DENND1B: variants seen among roughly 807,000 people sequenced by gnomAD.
DENND1B encodes DENN domain containing 1B, also known as DENN domain-containing protein 1B.
Under a neutral mutation model 90.1 loss-of-function variants are expected in DENND1B, and 59 were observed. The observed-to-expected ratio is 0.65, with a 90% confidence interval of 0.53 to 0.81. The LOEUF (loss-of-function observed/expected upper bound fraction) is 0.81, where lower values mean the gene tolerates loss of function less well. DENND1B is among the 40% of genes least tolerant of loss of function. The pLI is 0.00. For missense variants in DENND1B, 862 were observed against 912.6 expected (o/e 0.94, Z 0.71); for synonymous variants, 337 against 324.6 (o/e 1.04, Z -0.41).
At chr1:197,699,357 A>G (rs1269499379) in intron 3 of DENND1B, among the ~76,000 whole-genome samples, 1 of 152,220 alleles carries the variant, frequency 6.6e-6, no homozygotes, top group Non-Finnish European at 1.5e-5. Flanking sequence ...ATAAAATTTG[A>G]CATCCCTTCA....
chr1:197,665,508 T>A (rs926729809), intron 5 of DENND1B, among the ~76,000 whole-genome samples: 1 of 152,164 alleles, frequency 6.6e-6, no homozygotes, highest in Non-Finnish European at 1.5e-5. Context: ...CACTAAATGA[T>A]GTTGCTGTTA....
chr1:197,760,520 A>G (rs191594427), intron 2 of DENND1B, among the ~76,000 whole-genome samples: 144 of 152,026 alleles, frequency 9.5e-4, no homozygotes, highest in African/African-American at 3.5e-3. Flanking sequence ...GTGTACCTGT[A>G]ATCCCAGCTA....
chr1:197,749,727 T>C (rs1653193716), intron 2 of DENND1B, among the ~76,000 whole-genome samples: 1 of 152,028 alleles, frequency 6.6e-6, no homozygotes, highest in Admixed American at 6.6e-5. Flanking sequence ...AAGATTTTTT[T>C]TTTCATTTCT....
Position 197,761,548 on chromosome 1 carries a change from ATAAT to A in DENND1B, c.82+11316_82+11319del, listed in dbSNP as rs1655056738. Among the ~76,000 whole-genome samples the A allele has an allele frequency of 3.9e-5, 6 of 152,298 alleles. No homozygotes were observed. The South Asian group carries it at 1.2e-3, about 32-fold the overall frequency. On this transcript the variant is annotated intron_variant, in intron 2 of 22. Coordinates refer to ENST00000620048, the MANE Select transcript of DENND1B (RefSeq NM_001195215.2). Reference sequence around the variant, plus strand: ...CATGTAAGTTAATTTCAAATAACTTATAATTAATTTGATGATAATCTTAAGAAAA... The same window carrying A: ...CATGTAAGTTAATTTCAAATAACTTATAATTTGATGATAATCTTAAGAAAA...
At chr1:197,756,383 C>G (rs1654290488) in intron 2 of DENND1B, among the ~76,000 whole-genome samples, 1 of 151,732 alleles carries the variant, frequency 6.6e-6, no homozygotes, top group Non-Finnish European at 1.5e-5. Flanking sequence ...AAGACCAGCC[C>G]GGCCAACAAA....
chr1:197,530,003 T>A (rs988403863), intron 20 of DENND1B, among the ~76,000 whole-genome samples: 1 of 152,116 alleles, frequency 6.6e-6, no homozygotes, highest in Non-Finnish European at 1.5e-5. Flanking sequence ...GGGTTGGGTT[T>A]TACAAATGTG....
At chr1:197,538,105 T>C (rs921190010) in intron 20 of DENND1B, among the ~76,000 whole-genome samples, 169 of 152,252 alleles carry the variant, frequency 1.1e-3, no homozygotes, top group African/African-American at 3.7e-3. Context: ...TTAGGAAATG[T>C]GTTTCTCCAA....
At chr1:197,747,151 T>C (rs1440287854) in intron 2 of DENND1B, 2 of 766,478 alleles carry the variant, frequency 2.6e-6, no homozygotes, top group Non-Finnish European at 4.6e-6. Flanking sequence ...GCGTTTTCTT[T>C]TTTTCCCTCT....
chr1:197,510,823 A>G lies in DENND1B; in HGVS notation c.1965T>C (p.Gly655=). ...TCAGGATAAACAGAGAATCTGTCAAACCACTAGAGGAAACCCGCTTCCTAG... is the reference window on the plus strand; with the variant it reads ...TCAGGATAAACAGAGAATCTGTCAAGCCACTAGAGGAAACCCGCTTCCTAG... The part of the protein sequence containing the change: ...PSPRKRVSSS[G]LTDSLFILKE... The change falls in exon 23 of 23, where the codon GGT becomes GGC. Residue 655 remains glycine, a synonymous_variant. Coordinates refer to ENST00000620048, the MANE Select transcript of DENND1B (RefSeq NM_001195215.2). 1 of 1,612,272 alleles carries G rather than the reference A, an allele frequency of 6.2e-7. No individual in the cohort carries two copies.
At chr1:197,728,274 T>G (rs1287582053) in intron 2 of DENND1B, among the ~76,000 whole-genome samples, 1 of 152,228 alleles carries the variant, frequency 6.6e-6, no homozygotes, top group Non-Finnish European at 1.5e-5. Context: ...AAGAAATTTT[T>G]CTCAAGCCTT....
At chr1:197,631,731 T>G (rs1679345059) in intron 10 of DENND1B, among the ~76,000 whole-genome samples, 1 of 151,754 alleles carries the variant, frequency 6.6e-6, no homozygotes, top group African/African-American at 2.4e-5. Flanking sequence ...TATATATATT[T>G]TAATGTTAAA....
chr1:197,776,612 T>C (rs940807967), upstream of DENND1B, among the ~76,000 whole-genome samples: 1 of 152,100 alleles, frequency 6.6e-6, no homozygotes, highest in African/African-American at 2.4e-5. Context: ...GGTATGAATG[T>C]AGTGTGAGTC....
At chr1:197,653,829 G>A (rs113992274) in intron 6 of DENND1B, among the ~76,000 whole-genome samples, 1,652 of 151,958 alleles carry the variant, frequency 0.011, 39 homozygotes, top group African/African-American at 0.038. Context: ...TTCAAAATTT[G>A]GACAACTAAT....
intron 2 of DENND1B, chr1:197,747,580 A>AG (rs1652872986): frequency 5.6e-6 from 1 of 177,342 alleles, no homozygotes; most frequent in Non-Finnish European, 1.2e-5. Flanking sequence ...GTTAAAAAAA[A>AG]ATGGCACCAG....
At chr1:197,654,638 A>C (rs1653616083) in intron 6 of DENND1B, among the ~76,000 whole-genome samples, 1 of 151,716 alleles carries the variant, frequency 6.6e-6, no homozygotes, top group African/African-American at 2.4e-5. Context: ...TAAATCCAGG[A>C]TTTCAGGGTT....
At chr1:197,733,935 T>C (rs1662388426) in intron 2 of DENND1B, 1 of 343,596 alleles carries the variant, frequency 2.9e-6, no homozygotes, top group Admixed American at 6.5e-5. Flanking sequence ...CTTAAAATAA[T>C]ACACAGGCTT....
chr1:197,721,278 C>T (rs1661151086), intron 2 of DENND1B, among the ~76,000 whole-genome samples: 1 of 151,798 alleles, frequency 6.6e-6, no homozygotes, highest in Non-Finnish European at 1.5e-5. Context: ...ACCATGTTAG[C>T]CCAAATGGTC....
intron 13 of DENND1B, among the ~76,000 whole-genome samples, chr1:197,604,035 A>G (rs1430004307): frequency 2.0e-5 from 3 of 151,248 alleles, no homozygotes; most frequent in African/African-American, 7.3e-5. Flanking sequence ...ACTATACTAC[A>G]GATGTTTGAA....
intron 15 of DENND1B, among the ~76,000 whole-genome samples, chr1:197,564,455 T>C (rs1473283014): frequency 1.4e-5 from 2 of 139,414 alleles, no homozygotes; most frequent in East Asian, 4.4e-4. Context: ...ATCATTACCA[T>C]ATTTTAGTAA....
Sources: allele counts gnomAD v4.1 joint callset (sites outside exome capture counted in the v4.1 genomes callset), GRCh38; gene constraint gnomAD v4.1.1; transcripts MANE v1.5; gene names NCBI Gene and HGNC (gene_info 2026-07-23, HGNC 2026-07-21).